DLGAP5: variants seen among roughly 807,000 people sequenced by gnomAD.
DLGAP5 encodes DLG associated protein 5.
A neutral mutation model predicts 99.6 loss-of-function variants in DLGAP5; 90 were observed. That is an observed-to-expected ratio of 0.90 (90% CI 0.76 to 1.08). The LOEUF is 1.08. Ranked by LOEUF, DLGAP5 falls within the 50% of genes least tolerant of loss-of-function variation. The probability of loss-of-function intolerance (pLI) is 0.00; values close to 1 mark genes in which losing one functional copy is unlikely to be tolerated. For missense variants in DLGAP5, 1,036 were observed against 983.5 expected, an observed-to-expected ratio of 1.05 and a Z score of -0.71; for synonymous variants, 311 against 321.3, an observed-to-expected ratio of 0.97 and a Z score of 0.34.
chr14:55,153,957 G>A (rs956295481), intron 15 of DLGAP5, among the ~76,000 whole-genome samples: 11 of 152,140 alleles, frequency 7.2e-5, no homozygotes, highest in Non-Finnish European at 1.5e-4. Context: ...TCGGGAGGCT[G>A]AGGCAGAAGA....
rs1396533013 is a variant in DLGAP5, at chr14:55,148,411, T to C, written c.2481A>G (p.Arg827=). The change falls in exon 19 of 19, where the codon AGA becomes AGG. Residue 827 remains arginine, a synonymous_variant. Coordinates refer to ENST00000247191, the MANE Select transcript of DLGAP5 (RefSeq NM_014750.5). ...QLERRHQEHA[R]HISFGGNLIT... is the part of the protein sequence containing the mutation. ...TCAGGTTACCACCAAAAGAAATGTG[T>C]CTGGCATGTTCTTGATGTCTCCTCT... 1.9e-6 allele frequency: 3 copies of C among 1,614,204 alleles called. No individual in the cohort carries two copies. In the African/African-American group the frequency reaches 4.0e-5, roughly 22 times the overall value.
In DLGAP5 at chr14:55,148,501, A is replaced by G. The variant is rs181019428; in HGVS notation, c.2419-28T>C. ...GGAGAACAAATCCAGAGAAGTCAGT[A>G]AAGTATCCATCAAGAGTTTCACCAA... On this transcript the variant is annotated intron_variant, in intron 18 of 18. Transcript: ENST00000247191. 2,578 of 1,613,686 alleles carry G rather than the reference A, an allele frequency of 1.6e-3. 1 individual carries two copies. The highest frequency in any genetic ancestry group is 2.0e-3 in the Non-Finnish European group (2,303 of 1,179,848).
At chr14:55,180,849 T>C in intron 5 of DLGAP5, 71 bp from the exon 6 acceptor site, 1 of 1,539,782 alleles carries the variant, frequency 6.5e-7, no homozygotes. Context: ...AAGCCAGGCA[T>C]GGTAGTGCAA....
rs370586952 is a variant in DLGAP5 at position 55,148,210 on chromosome 14, T to C, written c.*141A>G. The C allele has an allele frequency of 5.7e-5, 49 of 855,030 alleles. No homozygotes were observed. Among genetic ancestry groups the C allele is most frequent in the East Asian group, 3.5e-4 (13 of 36,648 alleles). 53.0% of individuals were successfully genotyped at this position (855,030 alleles called of 1,614,324 possible). On this transcript the variant is annotated 3_prime_UTR_variant, in exon 19 of 19. Coordinates refer to ENST00000247191, the MANE Select transcript of DLGAP5 (RefSeq NM_014750.5). ...CCCTTGAGAAAGAGTATATCTAAAA[T>C]ACACTTTGATGAACACAGAATATTA...
At chr14:55,189,652 C>T (rs567949615) in intron 1 of DLGAP5, among the ~76,000 whole-genome samples, 9 of 152,206 alleles carry the variant, frequency 5.9e-5, no homozygotes, top group East Asian at 3.9e-4. Context: ...AATAGGCAAC[C>T]GGATACAGAT....
chr14:55,186,841 T>C (rs2139537187), intron 2 of DLGAP5, among the ~76,000 whole-genome samples: 1 of 152,368 alleles, frequency 6.6e-6, no homozygotes, highest in South Asian at 2.1e-4. Flanking sequence ...CTACTCGGTT[T>C]CTAGGATAGC....
At chr14:55,162,529 G>C (rs565557562) in intron 13 of DLGAP5, among the ~76,000 whole-genome samples, 121 of 151,786 alleles carry the variant, frequency 8.0e-4, no homozygotes, top group Middle Eastern at 3.4e-3. Flanking sequence ...TGAGGCAGGA[G>C]AATGGCGTGA....
intron 18 of DLGAP5, chr14:55,150,593 C>T (rs960914064): frequency 3.0e-6 from 1 of 337,476 alleles, no homozygotes; most frequent in African/African-American, 2.2e-5. Context: ...TATAGAAAAA[C>T]ATATCTTCAG....
chr14:55,168,334 T>A (rs1423838619), intron 12 of DLGAP5, among the ~76,000 whole-genome samples: 1 of 152,234 alleles, frequency 6.6e-6, no homozygotes, highest in Non-Finnish European at 1.5e-5. Flanking sequence ...AGCTATTTAT[T>A]CTCTGAATGT....
intron 10 of DLGAP5, among the ~76,000 whole-genome samples, chr14:55,172,777 T>C (rs975022515): frequency 2.0e-5 from 3 of 150,462 alleles, no homozygotes; most frequent in African/African-American, 7.3e-5. Context: ...AGGTCAGGAG[T>C]TCGAGACCAG....
intron 15 of DLGAP5, among the ~76,000 whole-genome samples, 179 bp downstream of exon 15, chr14:55,154,438 T>C (rs1289451798): frequency 6.6e-6 from 1 of 152,218 alleles, no homozygotes; most frequent in Non-Finnish European, 1.5e-5. Context: ...CCATTTAGTA[T>C]CCTGAAACCT....
chr14:55,181,224 T>G lies in DLGAP5; in HGVS notation c.569A>C (p.Lys190Thr), dbSNP rs1309122572. ...RQTSEKKVSDKEKKVVQPVMP... is the reference protein window; with the variant it reads ...RQTSEKKVSDTEKKVVQPVMP... ...GCTAATATTCCTACCTTTTTTCTCTTTGTCTGACACTTTCTTTTCAGAAGT... is the reference window on the plus strand; with the variant it reads ...GCTAATATTCCTACCTTTTTTCTCTGTGTCTGACACTTTCTTTTCAGAAGT... Residue 190 changes from lysine to threonine, a missense_variant, in exon 5 of 19, where the codon AAA (lysine) becomes ACA (threonine). Coordinates refer to ENST00000247191, the MANE Select transcript of DLGAP5 (RefSeq NM_014750.5). 1 of 1,613,976 alleles carries G rather than the reference T, an allele frequency of 6.2e-7. No homozygotes were observed. Among genetic ancestry groups the G allele is most frequent in the South Asian group, 1.1e-5 (1 of 91,050 alleles).
rs1165754197 is a variant in DLGAP5, at chr14:55,169,532, C to T, written c.1415G>A (p.Gly472Asp). Residue 472 changes from glycine (G) to aspartate (D), a missense_variant, in exon 12 of 19, where the codon GGT (glycine) becomes GAT (aspartate). By Grantham distance (94) the Gly-to-Asp change is moderately conservative (BLOSUM62 -1). Coordinates refer to ENST00000247191, the MANE Select transcript of DLGAP5 (RefSeq NM_014750.5). ...DAKDLIRTAV[G>D]QTRLLMKERF... ...TTCCTTCATAAGGAGTCTTGTTTGA[C>T]CAACTGCTGTGCGAATAAGATCTTT... The T allele has an allele frequency of 1.3e-6, 2 of 1,596,240 alleles. No individual in the cohort carries two copies. Among genetic ancestry groups the T allele is most frequent in the African/African-American group, 1.4e-5 (1 of 73,744 alleles).
At chr14:55,169,661 C>A in intron 11 of DLGAP5, 102 bp from the exon 12 acceptor site, 1 of 1,050,326 alleles carries the variant, frequency 9.5e-7, no homozygotes, top group Non-Finnish European at 1.3e-6. Context: ...CTAGGGCCTA[C>A]AGGTTGTTAA....
intron 13 of DLGAP5, among the ~76,000 whole-genome samples, chr14:55,162,520 G>A (rs1000211073): frequency 7.2e-5 from 11 of 152,050 alleles, no homozygotes; most frequent in Non-Finnish European, 1.5e-4. Context: ...TTGGGAGGCT[G>A]AGGCAGGAGA....
At chr14:55,170,896 C>T in intron 10 of DLGAP5, 109 bp from the exon 11 acceptor site, 1 of 722,520 alleles carries the variant, frequency 1.4e-6, no homozygotes, top group Non-Finnish European at 2.4e-6. Flanking sequence ...AAGGGAGCCA[C>T]AATATTTTCC....
chr14:55,165,846 T>C (rs1882623477), intron 12 of DLGAP5, among the ~76,000 whole-genome samples: 1 of 152,172 alleles, frequency 6.6e-6, no homozygotes, highest in African/African-American at 2.4e-5. Flanking sequence ...CTCAGGTAAC[T>C]AAAACCACAG....
At chr14:55,167,933 G>T (rs1882702446) in intron 12 of DLGAP5, among the ~76,000 whole-genome samples, 1 of 152,116 alleles carries the variant, frequency 6.6e-6, no homozygotes, top group East Asian at 1.9e-4. Flanking sequence ...GTTGCTGTGG[G>T]TCTACTCAGT....
chr14:55,190,835 C>T (rs1883591042), intron 1 of DLGAP5, among the ~76,000 whole-genome samples: 1 of 152,136 alleles, frequency 6.6e-6, no homozygotes, highest in Non-Finnish European at 1.5e-5. Flanking sequence ...TATTAATTCG[C>T]TAAAGATTGA....
Sources: gnomAD v4.1 joint callset for allele counts (sites outside exome capture counted in the v4.1 genomes callset) on GRCh38, gnomAD v4.1.1 for gene constraint, MANE v1.5 for transcripts, NCBI Gene and HGNC (gene_info 2026-07-23, HGNC 2026-07-21) for gene names.